The following ERC1 variants were observed in gnomAD, a reference collection of about 807,000 sequenced individuals.
The protein encoded by ERC1 is RAB6 interacting protein 2.
Under a neutral mutation model 132.0 loss-of-function variants are expected in ERC1, and 56 were observed. The observed-to-expected ratio is 0.42, with a 90% CI of 0.34 to 0.53. ERC1 has a LOEUF of 0.53. Among genes scored for constraint, ERC1 ranks in the 20% least tolerant of loss-of-function variants. The pLI is 0.03. For synonymous variants in ERC1, 478 were observed against 476.1 expected, an observed-to-expected ratio of 1.00 and a Z score of -0.05; for missense variants, 1,202 against 1,349.9, an observed-to-expected ratio of 0.89 and a Z score of 1.72.
chr12:1,484,702 T>G lies in ERC1; in HGVS notation c.3214-5391T>G, dbSNP rs139651669. Among the ~76,000 whole-genome samples, 697 of 150,900 alleles carry G rather than the reference T, an allele frequency of 4.6e-3. 2 individuals are homozygous for G. The highest frequency in any genetic ancestry group is 0.016 in the African/African-American group (658 of 41,096). On this transcript the variant is annotated intron_variant, in intron 18 of 18. Coordinates refer to ENST00000360905, the MANE Select transcript of ERC1 (RefSeq NM_178040.4). ...AAGCAATTCTCCTGCCTCAGCCTCC[T>G]GAGTAGCTGGGACTACAGGTGCACG... is the stretch of plus-strand genomic sequence containing the variant.
intron 2 of ERC1, among the ~76,000 whole-genome samples, chr12:1,051,416 A>G (rs1971943106): frequency 6.6e-6 from 1 of 151,948 alleles, no homozygotes; most frequent in African/African-American, 2.4e-5. Context: ...CTGGCTGGGC[A>G]TGGTGGCTCA....
chr12:1,396,643 G>A (rs1384966555), intron 16 of ERC1, among the ~76,000 whole-genome samples: 1 of 152,214 alleles, frequency 6.6e-6, no homozygotes, highest in African/African-American at 2.4e-5. Flanking sequence ...GTGTGGTTGA[G>A]CTCATGTGAG....
chr12:1,046,021 C>T (rs1971021151), intron 2 of ERC1, among the ~76,000 whole-genome samples: 1 of 151,978 alleles, frequency 6.6e-6, no homozygotes, highest in Non-Finnish European at 1.5e-5. Flanking sequence ...AGGCAGGAAG[C>T]AGTAGAGTAA....
chr12:1,269,897 A>G (rs1297126759), intron 14 of ERC1, among the ~76,000 whole-genome samples: 1 of 152,216 alleles, frequency 6.6e-6, no homozygotes, highest in African/African-American at 2.4e-5. Context: ...CTCAGAGGTG[A>G]AAAAACTTTG....
intron 14 of ERC1, among the ~76,000 whole-genome samples, chr12:1,286,349 A>G (rs916955906): frequency 6.6e-6 from 1 of 151,906 alleles, no homozygotes; most frequent in Admixed American, 6.6e-5. Flanking sequence ...GTAAAAGATG[A>G]TAGAAGAAAA....
chr12:1,254,464 C>T (rs1403622698), intron 13 of ERC1, among the ~76,000 whole-genome samples: 1 of 152,052 alleles, frequency 6.6e-6, no homozygotes, highest in African/African-American at 2.4e-5. Context: ...TACTTTGGCA[C>T]CAACCTAATA....
intron 14 of ERC1, among the ~76,000 whole-genome samples, chr12:1,279,443 C>T (rs1409041959): frequency 1.3e-5 from 2 of 152,110 alleles, no homozygotes; most frequent in Non-Finnish European, 2.9e-5. Context: ...CAAAGTAGTA[C>T]ATGATATTAC....
intron 12 of ERC1, among the ~76,000 whole-genome samples, chr12:1,195,883 C>A (rs1054973232): frequency 6.9e-6 from 1 of 145,288 alleles, no homozygotes; most frequent in Admixed American, 6.9e-5. Context: ...CCGCCCCCCC[C>A]CCCCTTTTTT....
At chr12:1,445,578 T>C (rs1399001597) in intron 18 of ERC1, among the ~76,000 whole-genome samples, 1 of 150,824 alleles carries the variant, frequency 6.6e-6, no homozygotes, top group Non-Finnish European at 1.5e-5. Context: ...CTAGTTGATA[T>C]TTTGTAACTT....
At chr12:1,146,272 A>G (rs1436190403) in intron 8 of ERC1, among the ~76,000 whole-genome samples, 1 of 109,328 alleles carries the variant, frequency 9.1e-6, no homozygotes, top group African/African-American at 3.6e-5. Context: ...TTTTCCTTGT[A>G]GAGGTCTTTC....
chr12:1,261,104 G>T (rs1456378756), intron 13 of ERC1, among the ~76,000 whole-genome samples: 1 of 152,262 alleles, frequency 6.6e-6, no homozygotes, highest in South Asian at 2.1e-4. Flanking sequence ...CTCCCTAAAA[G>T]TTTTTTATTG....
chr12:1,280,768 C>T (rs769654079), intron 14 of ERC1, among the ~76,000 whole-genome samples: 1 of 152,194 alleles, frequency 6.6e-6, no homozygotes, highest in African/African-American at 2.4e-5. Flanking sequence ...ATATTATACA[C>T]GCACTTACGT....
At chr12:1,393,236 T>C (rs936754237) in intron 16 of ERC1, among the ~76,000 whole-genome samples, 14 of 152,252 alleles carry the variant, frequency 9.2e-5, no homozygotes, top group African/African-American at 3.4e-4. Context: ...CATCTAGCTT[T>C]AAGAACTTTG....
chr12:1,309,083 T>G (rs1396431587), intron 15 of ERC1, among the ~76,000 whole-genome samples: 2 of 152,238 alleles, frequency 1.3e-5, no homozygotes, highest in African/African-American at 2.4e-5. Flanking sequence ...CACTTTGATT[T>G]TAGGCTTTCC....
At chr12:1,372,053 G>C in intron 16 of ERC1, 76 bp downstream of exon 16, 4 of 1,503,772 alleles carry the variant, frequency 2.7e-6, no homozygotes, top group Non-Finnish European at 3.6e-6. Flanking sequence ...TTGCCAGCTT[G>C]TACTTTAAGG....
chr12:1,458,522 A>G (rs571249133), intron 18 of ERC1, among the ~76,000 whole-genome samples: 8 of 150,770 alleles, frequency 5.3e-5, no homozygotes, highest in South Asian at 2.1e-4. Flanking sequence ...ACATATACAC[A>G]TGTATGTATT....
At chr12:1,008,248 T>G (rs1964066765) in intron 1 of ERC1, among the ~76,000 whole-genome samples, 1 of 152,194 alleles carries the variant, frequency 6.6e-6, no homozygotes, top group Non-Finnish European at 1.5e-5. Context: ...TTGATGGTTG[T>G]GGTGGGACAA....
chr12:1,115,805 TAC>T lies in ERC1; in HGVS notation c.1402-59_1402-58del. On this transcript the variant is annotated intron_variant, in intron 6 of 18. Transcript: ENST00000360905. The stretch of plus-strand genomic sequence containing the variant: ...TTTTGTGACTCAGATCTGTGAAAGA[TAC>T]AGATAAGAGGTGTTTGTTTTATTTC... 2.2e-6 allele frequency: 3 copies of T among 1,370,414 alleles called. No individual in the cohort carries two copies. In the East Asian group the frequency reaches 7.4e-5, roughly 34 times the overall value. The allele number at this position is 1,370,414 out of a possible 1,614,324, so 84.9% of individuals were successfully genotyped here.
At chr12:1,161,646 C>T (rs921418695) in intron 8 of ERC1, among the ~76,000 whole-genome samples, 1 of 152,120 alleles carries the variant, frequency 6.6e-6, no homozygotes, top group Non-Finnish European at 1.5e-5. Flanking sequence ...CAATCAAAAA[C>T]TGTAGAAATT....
Sources: gnomAD v4.1 joint callset for allele counts (sites outside exome capture counted in the v4.1 genomes callset) on GRCh38, gnomAD v4.1.1 for gene constraint, MANE v1.5 for transcripts, NCBI Gene and HGNC (gene_info 2026-07-23, HGNC 2026-07-21) for gene names.